The following INTS9 variants were observed in gnomAD, a reference collection of about 807,000 sequenced individuals.
The protein encoded by INTS9 is integrator complex subunit 9, also known as protein related to CPSF subunits of 74 kDa.
In INTS9, 55 loss-of-function variants were observed where a neutral mutation model predicts 79.7. That is an observed-to-expected ratio of 0.69 (90% confidence interval 0.56 to 0.86). The LOEUF (loss-of-function observed/expected upper bound fraction) is 0.86. Among genes scored for constraint, INTS9 ranks in the 40% least tolerant of loss-of-function variants. INTS9 has a pLI of 0.00. For missense variants in INTS9, 721 were observed against 831.5 expected (o/e 0.87, Z 1.64); for synonymous variants, 319 against 325.2 (o/e 0.98, Z 0.20).
chr8:28,821,654 G>T (rs1805837478), intron 6 of INTS9, among the ~76,000 whole-genome samples: 2 of 152,186 alleles, frequency 1.3e-5, no homozygotes, highest in Non-Finnish European at 2.9e-5. Flanking sequence ...CTTTTGAGTT[G>T]CTGGGAATGT....
intron 12 of INTS9, among the ~76,000 whole-genome samples, chr8:28,779,619 G>A (rs1803121257): frequency 6.6e-6 from 1 of 152,092 alleles, no homozygotes; most frequent in African/African-American, 2.4e-5. Context: ...GCATCCTGAC[G>A]CCACCCAATA....
chr8:28,883,225 T>C lies in INTS9; in HGVS notation c.9+6649A>G, dbSNP rs139194140. ...ACCATCATCTTAATTCCTACATCTA[T>C]GCACTGGCATTTCCAAAGCAACACC... On this transcript the variant is annotated intron_variant, in intron 1 of 16. Transcript: ENST00000521022. 1.4e-3 allele frequency among the ~76,000 whole-genome samples: 215 copies of C among 152,362 alleles called. 1 individual carries two copies. Among genetic ancestry groups the C allele is most frequent in the African/African-American group, 5.0e-3 (208 of 41,580 alleles).
chr8:28,791,160 G>A (rs1803897055), intron 10 of INTS9, among the ~76,000 whole-genome samples: 1 of 151,926 alleles, frequency 6.6e-6, no homozygotes, highest in Non-Finnish European at 1.5e-5. Context: ...TCAGTCCCTC[G>A]ACTTCTGCAA....
chr8:28,818,489 C>G (rs1301773002), intron 6 of INTS9, among the ~76,000 whole-genome samples: 7 of 152,128 alleles, frequency 4.6e-5, no homozygotes, highest in Admixed American at 1.3e-4. Flanking sequence ...GCCTTGCATC[C>G]CAGGGATGAA....
chr8:28,843,990 G>A (rs190422280), intron 4 of INTS9, among the ~76,000 whole-genome samples: 82 of 152,258 alleles, frequency 5.4e-4, no homozygotes, highest in African/African-American at 1.8e-3. Flanking sequence ...TGAGAACTGC[G>A]AGAGATCACT....
At chr8:28,855,167 C>T (rs941507414) in intron 2 of INTS9, among the ~76,000 whole-genome samples, 5 of 152,180 alleles carry the variant, frequency 3.3e-5, no homozygotes, top group Non-Finnish European at 5.9e-5. Flanking sequence ...GATGATCTCA[C>T]AGAGTCTTCC....
intron 16 of INTS9, among the ~76,000 whole-genome samples, chr8:28,768,929 C>T (rs1021595756): frequency 6.6e-6 from 1 of 152,224 alleles, no homozygotes; most frequent in Non-Finnish European, 1.5e-5. Flanking sequence ...CAGGTGCTTG[C>T]TCCTTCTGCA....
At chr8:28,837,529 G>T in intron 5 of INTS9, 108 bp downstream of exon 5, 63 of 1,172,208 alleles carry the variant, frequency 5.4e-5, no homozygotes, top group East Asian at 1.7e-4. Flanking sequence ...TGGGTTAGTT[G>T]TTCAGAAGGA....
At chr8:28,885,786 C>A (rs1272886114) in intron 1 of INTS9, among the ~76,000 whole-genome samples, 1 of 152,194 alleles carries the variant, frequency 6.6e-6, no homozygotes, top group Non-Finnish European at 1.5e-5. Context: ...AACTGGCCAT[C>A]AGCGTACTCA....
intron 6 of INTS9, among the ~76,000 whole-genome samples, chr8:28,817,338 G>A (rs1034845065): frequency 3.9e-5 from 6 of 152,276 alleles, no homozygotes; most frequent in South Asian, 2.1e-4. Context: ...TATATAAGGT[G>A]TAAGGAAGGG....
At chr8:28,838,892 C>T (rs529291285) in intron 4 of INTS9, among the ~76,000 whole-genome samples, 1 of 152,278 alleles carries the variant, frequency 6.6e-6, no homozygotes, top group South Asian at 2.1e-4. Context: ...TGTGTGACTC[C>T]TCTGTCCCCT....
intron 3 of INTS9, among the ~76,000 whole-genome samples, chr8:28,848,959 A>G (rs992625642): frequency 6.6e-6 from 1 of 152,232 alleles, no homozygotes; most frequent in Admixed American, 6.5e-5. Context: ...AATCAGGTGC[A>G]CAGGTTTCTG....
intron 5 of INTS9, among the ~76,000 whole-genome samples, chr8:28,835,830 CAG>C (rs1255754759): frequency 6.7e-6 from 1 of 150,304 alleles, no homozygotes; most frequent in Non-Finnish European, 1.5e-5. Flanking sequence ...TTTTTTGAGA[CAG>C]AGTTTCGTTC....
chr8:28,780,308 G>A (rs1803180066), intron 12 of INTS9: 1 of 774,798 alleles, frequency 1.3e-6, no homozygotes, highest in Non-Finnish European at 1.5e-6. Flanking sequence ...TCACAGATAA[G>A]CAAAAAAGAC....
At chr8:28,793,511 A>G (rs930857945) in intron 10 of INTS9, among the ~76,000 whole-genome samples, 1 of 152,218 alleles carries the variant, frequency 6.6e-6, no homozygotes, top group African/African-American at 2.4e-5. Context: ...CATTTCACCT[A>G]GTAACAGGCA....
In INTS9 at chr8:28,796,725, C is replaced by T. The variant is rs141912002; in HGVS notation, c.745-70G>A. ...ATTACCTACAAATAGTGAAAGAATA[C>T]GAGAACACAGACATTGCTCTTTCTA... On this transcript the variant is annotated intron_variant, in intron 8 of 16. Coordinates refer to ENST00000521022, the MANE Select transcript of INTS9 (RefSeq NM_018250.4). 511 of 936,612 alleles carry T rather than the reference C, an allele frequency of 5.5e-4. 5 individuals are homozygous for T. In the African/African-American group the frequency reaches 7.2e-3, roughly 13 times the overall value. 58.0% of individuals were successfully genotyped at this position (936,612 alleles called of 1,614,324 possible). A position where few individuals can be genotyped will look rare whatever the true frequency, so the allele number is the denominator to read the frequency against.
intron 6 of INTS9, among the ~76,000 whole-genome samples, chr8:28,821,917 G>A (rs560600121): frequency 2.0e-5 from 3 of 152,014 alleles, no homozygotes; most frequent in South Asian, 2.1e-4. Flanking sequence ...CTACAGATGC[G>A]TGCCACCATG....
At chr8:28,833,247 T>C (rs1474657272) in intron 6 of INTS9, among the ~76,000 whole-genome samples, 2 of 151,988 alleles carry the variant, frequency 1.3e-5, no homozygotes, top group Non-Finnish European at 2.9e-5. Flanking sequence ...AAATCACTGA[T>C]CTAGAGGGAA....
chr8:28,781,470 A>G (rs570711181), intron 11 of INTS9, among the ~76,000 whole-genome samples: 2 of 152,342 alleles, frequency 1.3e-5, no homozygotes, highest in South Asian at 4.1e-4. Flanking sequence ...ACTTTGAAAG[A>G]TATTTTGAAA....
Sources: gnomAD v4.1 joint callset for allele counts (sites outside exome capture counted in the v4.1 genomes callset) on GRCh38, gnomAD v4.1.1 for gene constraint, MANE v1.5 for transcripts, NCBI Gene and HGNC (gene_info 2026-07-23, HGNC 2026-07-21) for gene names.